TMEM63C: variants seen among roughly 807,000 people sequenced by gnomAD.
The protein encoded by TMEM63C is transmembrane protein 63C.
Under a neutral mutation model 99.2 loss-of-function variants are expected in TMEM63C, and 32 were observed. That is an observed-to-expected ratio of 0.32 (90% CI 0.24 to 0.43). TMEM63C has a LOEUF of 0.43. Ranked by LOEUF, TMEM63C falls within the 20% of genes least tolerant of loss-of-function variation. The pLI is 1.00. For missense variants in TMEM63C, 826 were observed against 1,053.0 expected, an observed-to-expected ratio of 0.78 and a Z score of 2.98; for synonymous variants, 376 against 397.9, an observed-to-expected ratio of 0.94 and a Z score of 0.66.
chr14:77,232,674 T>G (rs382930), intron 7 of TMEM63C, among the ~76,000 whole-genome samples: 1 of 152,234 alleles, frequency 6.6e-6, no homozygotes, highest in African/African-American at 2.4e-5. Flanking sequence ...GGAGATCACA[T>G]GCCACATACC....
intron 5 of TMEM63C, among the ~76,000 whole-genome samples, chr14:77,224,657 GA>G (rs1288764041): frequency 6.6e-6 from 1 of 151,126 alleles, no homozygotes; most frequent in African/African-American, 2.4e-5. Context: ...CCACCACCCA[GA>G]AACTCCAGAC....
chr14:77,242,932 G>T lies in TMEM63C; in HGVS notation c.1217G>T (p.Trp406Leu). 1 of 1,614,016 alleles carries T rather than the reference G, an allele frequency of 6.2e-7. No homozygotes were observed. The highest frequency in any genetic ancestry group is 8.5e-7 in the Non-Finnish European group (1 of 1,179,890). Residue 406 changes from tryptophan to leucine, a missense_variant, in exon 15 of 24, where the codon TGG becomes TTG. Transcript: ENST00000298351. The stretch of plus-strand genomic sequence containing the variant: ...CACCTGTCTGTCCGCCGCTTCTTTT[G>T]GTGGGCCCGCTTTATCGCAATCAAC... ...WKHLSVRRFF[W>L]WARFIAINTF...
At chr14:77,201,313 G>A (rs944872074) in intron 1 of TMEM63C, among the ~76,000 whole-genome samples, 3 of 152,198 alleles carry the variant, frequency 2.0e-5, no homozygotes, top group Non-Finnish European at 2.9e-5. Flanking sequence ...TTGCCTGTAG[G>A]CACCTTGAGT....
chr14:77,238,876 CG>C (rs1889107825), intron 10 of TMEM63C, 109 bp downstream of exon 10: 2 of 835,938 alleles, frequency 2.4e-6, no homozygotes, highest in Admixed American at 2.2e-5. Flanking sequence ...TGGGACACCC[CG>C]GGGTGGCTCT....
intron 5 of TMEM63C, among the ~76,000 whole-genome samples, chr14:77,220,387 T>G (rs1888669578): frequency 6.6e-6 from 1 of 152,202 alleles, no homozygotes; most frequent in Admixed American, 6.5e-5. Context: ...CCAACCCTTC[T>G]CACAGTCCCG....
intron 16 of TMEM63C, among the ~76,000 whole-genome samples, 181 bp from the exon 17 acceptor site, chr14:77,245,759 A>C (rs1453031279): frequency 6.6e-6 from 1 of 152,190 alleles, no homozygotes; most frequent in African/African-American, 2.4e-5. Context: ...CCCATAATTC[A>C]ATCATCTCCC....
At chr14:77,201,163 G>A (rs1434790645) in intron 1 of TMEM63C, 1 of 152,164 alleles carries the variant, frequency 6.6e-6, no homozygotes, top group Non-Finnish European at 1.5e-5. Flanking sequence ...CCTCCAGGCA[G>A]CCTTTGTGGA....
intron 9 of TMEM63C, among the ~76,000 whole-genome samples, chr14:77,237,085 G>T (rs142124390): frequency 6.6e-6 from 1 of 152,026 alleles, no homozygotes; most frequent in East Asian, 1.9e-4. Context: ...CTTTCAGACT[G>T]GTTGGTAAAT....
chr14:77,206,473 G>GCGC, intron 1 of TMEM63C, among the ~76,000 whole-genome samples: 1 of 152,364 alleles, frequency 6.6e-6, no homozygotes, highest in African/African-American at 2.4e-5. Context: ...CTTCGATGAT[G>GCGC]CACCACCTTG....
chr14:77,254,797 C>A (rs983457050), intron 23 of TMEM63C, among the ~76,000 whole-genome samples: 2 of 152,000 alleles, frequency 1.3e-5, no homozygotes, highest in African/African-American at 4.8e-5. Context: ...ATATGAACAT[C>A]GCACATCATT....
chr14:77,238,762 T>C lies in TMEM63C; in HGVS notation c.720T>C (p.His240=). The change falls in exon 10 of 24, where the codon CAT becomes CAC. Residue 240 remains histidine, a synonymous_variant. Transcript: ENST00000298351. The part of the protein sequence containing the change: ...DIEDPELIIK[H]FHEAYPGSVV... ...AAGACCCAGAACTCATCATTAAGCA[T>C]TTTCAGTAAGTGGGTTGGGGTAGGC... The C allele has an allele frequency of 6.2e-7, 1 of 1,613,614 alleles. No homozygotes were observed. Among genetic ancestry groups the C allele is most frequent in the Non-Finnish European group, 8.5e-7 (1 of 1,179,596 alleles).
chr14:77,195,306 C>G (rs1305419251), intron 1 of TMEM63C, among the ~76,000 whole-genome samples: 1 of 152,196 alleles, frequency 6.6e-6, no homozygotes, highest in Non-Finnish European at 1.5e-5. Context: ...ATTGAGCAAG[C>G]TGCCGGGGCT....
chr14:77,254,432 G>A (rs1031947619), intron 23 of TMEM63C, among the ~76,000 whole-genome samples: 5 of 152,216 alleles, frequency 3.3e-5, no homozygotes, highest in Non-Finnish European at 7.3e-5. Flanking sequence ...GGGGACAGGA[G>A]TAGGTGCTTC....
Position 77,218,852 on chromosome 14 carries a change from G to T in TMEM63C, c.39G>T (p.Arg13Ser). ...ASPDDLSTGG[R>S]LQNMTVDECF... is the part of the protein sequence containing the mutation. ...CAGACGACCTGAGTACAGGGGGAAG[G>T]TTACAGAACATGACAGTGGATGAAT... The change falls in exon 3 of 24, where the codon AGG becomes AGT. Residue 13 changes from arginine (R) to serine (S), a missense_variant. Arg to Ser is a moderately radical substitution (Grantham distance 110). Transcript: ENST00000298351. 1 of 1,613,722 alleles carries T rather than the reference G, an allele frequency of 6.2e-7. No individual in the cohort carries two copies. Among genetic ancestry groups the T allele is most frequent in the African/African-American group, 1.3e-5 (1 of 75,064 alleles).
At position 77,208,271 on chromosome 14, in the gene TMEM63C, T is replaced by G. The variant is rs180722457; in HGVS notation, c.-76-5175T>G. On this transcript the variant is annotated intron_variant, in intron 1 of 23. Coordinates refer to ENST00000298351, the MANE Select transcript of TMEM63C (RefSeq NM_020431.4). ...AGCAGAACTGTCCCTCCAGACAAATTACTCCTCACCCAGTCAGGAGGGCCA... is the reference window on the plus strand; with the variant it reads ...AGCAGAACTGTCCCTCCAGACAAATGACTCCTCACCCAGTCAGGAGGGCCA... 2.5e-3 allele frequency among the ~76,000 whole-genome samples: 374 copies of G among 152,226 alleles called. 3 individuals carry two copies. The highest frequency in any genetic ancestry group is 8.5e-3 in the African/African-American group (352 of 41,522).
chr14:77,229,106 A>G (rs932762082), intron 6 of TMEM63C, among the ~76,000 whole-genome samples: 1 of 152,306 alleles, frequency 6.6e-6, no homozygotes, highest in East Asian at 1.9e-4. Flanking sequence ...AATGAACACA[A>G]CAAGAAAATA....
intron 1 of TMEM63C, among the ~76,000 whole-genome samples, chr14:77,191,650 T>G (rs1286591916): frequency 1.3e-5 from 2 of 150,664 alleles, no homozygotes; most frequent in African/African-American, 4.9e-5. Flanking sequence ...ATTCAAGCAT[T>G]TCTCCTGCCT....
intron 1 of TMEM63C, among the ~76,000 whole-genome samples, chr14:77,186,240 T>C (rs1887992632): frequency 6.6e-6 from 1 of 152,112 alleles, no homozygotes; most frequent in South Asian, 2.1e-4. Flanking sequence ...CTCAAACTCC[T>C]GACCTCAGGT....
At chr14:77,199,866 G>A (rs745719465) in intron 1 of TMEM63C, among the ~76,000 whole-genome samples, 3 of 152,200 alleles carry the variant, frequency 2.0e-5, no homozygotes, top group East Asian at 1.9e-4. Flanking sequence ...CTCAGACAAC[G>A]AAGGCAGAAG....
Sources: allele counts gnomAD v4.1 joint callset (sites outside exome capture counted in the v4.1 genomes callset), GRCh38; gene constraint gnomAD v4.1.1; transcripts MANE v1.5; gene names NCBI Gene and HGNC (gene_info 2026-07-23, HGNC 2026-07-21).